BNC2: variants seen among roughly 807,000 people sequenced by gnomAD.
BNC2 encodes the protein basonuclin zinc finger protein 2.
In BNC2, 20 loss-of-function variants were observed where a neutral mutation model predicts 76.3. The ratio of observed to expected loss-of-function variants is 0.26; its 90% CI spans 0.18 to 0.38. BNC2 has a LOEUF of 0.38. Ranked by LOEUF, BNC2 falls within the 10% of genes least tolerant of loss-of-function variation. BNC2 has a pLI of 1.00. For synonymous variants in BNC2, 582 were observed against 514.8 expected, an observed-to-expected ratio of 1.13 and a Z score of -1.77; for missense variants, 1,382 against 1,399.8, an observed-to-expected ratio of 0.99 and a Z score of 0.20.
chr9:16,808,893 T>C (rs962988100), intron 1 of BNC2, among the ~76,000 whole-genome samples: 6 of 151,868 alleles, frequency 4.0e-5, no homozygotes, highest in Non-Finnish European at 8.8e-5. Context: ...AACATAAATC[T>C]CCTACTTCCC....
At chr9:16,533,403 G>A (rs530310503) in intron 5 of BNC2, among the ~76,000 whole-genome samples, 22 of 152,250 alleles carry the variant, frequency 1.4e-4, no homozygotes, top group African/African-American at 4.8e-4. Flanking sequence ...GTTGAAAACT[G>A]TCATTTGATC....
chr9:16,661,611 AT>A (rs1252350656), intron 3 of BNC2, among the ~76,000 whole-genome samples: 1 of 152,084 alleles, frequency 6.6e-6, no homozygotes, highest in Non-Finnish European at 1.5e-5. Context: ...TAATATTTCT[AT>A]TGCTTTGGAG....
chr9:16,717,938 A>C (rs1824037169), intron 3 of BNC2, among the ~76,000 whole-genome samples: 1 of 152,244 alleles, frequency 6.6e-6, no homozygotes, highest in Non-Finnish European at 1.5e-5. Context: ...TGTTTACACA[A>C]GTTAAAACAA....
intron 1 of BNC2, among the ~76,000 whole-genome samples, chr9:16,870,109 G>A (rs945915841): frequency 1.3e-5 from 2 of 152,154 alleles, no homozygotes; most frequent in Admixed American, 1.3e-4. Flanking sequence ...TGAAGACAAG[G>A]GGAGAGGAAG....
chr9:16,813,112 C>A (rs542742651), intron 1 of BNC2, among the ~76,000 whole-genome samples: 1 of 151,950 alleles, frequency 6.6e-6, no homozygotes, highest in Non-Finnish European at 1.5e-5. Context: ...GCAGGAGAAT[C>A]ACTGGAACCC....
At chr9:16,472,895 T>C (rs1363406135) in intron 5 of BNC2, among the ~76,000 whole-genome samples, 1 of 152,138 alleles carries the variant, frequency 6.6e-6, no homozygotes, top group African/African-American at 2.4e-5. Flanking sequence ...CATTTGAAAA[T>C]GTGTAACTGG....
At chr9:16,648,217 G>GA (rs1463748087) in intron 3 of BNC2, among the ~76,000 whole-genome samples, 18 of 152,196 alleles carry the variant, frequency 1.2e-4, no homozygotes, top group Non-Finnish European at 2.6e-4. Flanking sequence ...CAGATGCTAT[G>GA]AAAAACGAAA....
chr9:16,620,434 A>G (rs753710850), intron 3 of BNC2, among the ~76,000 whole-genome samples: 1 of 152,202 alleles, frequency 6.6e-6, no homozygotes, highest in Non-Finnish European at 1.5e-5. Flanking sequence ...TTCCTGATCC[A>G]TTAAAAATGT....
At chr9:16,738,621 G>T in intron 1 of BNC2, 136 bp from the exon 2 acceptor site, 1 of 1,003,668 alleles carries the variant, frequency 1.0e-6, no homozygotes, top group Non-Finnish European at 1.5e-6. Context: ...AGAGTTAATA[G>T]TTTCTAAGGC....
At chr9:16,521,335 A>T (rs951468304) in intron 5 of BNC2, among the ~76,000 whole-genome samples, 3 of 152,240 alleles carry the variant, frequency 2.0e-5, no homozygotes, top group Non-Finnish European at 4.4e-5. Context: ...ATCTTAAGTT[A>T]AATTTCCACC....
chr9:16,779,130 A>AAAAAAAAAAAAAAAAAG (rs556932807), intron 1 of BNC2, among the ~76,000 whole-genome samples: 282 of 87,404 alleles, frequency 3.2e-3, no homozygotes, highest in Non-Finnish European at 5.2e-3. Context: ...AAAAAAAAAA[A>AAAAAAAAAAAAAAAAAG]AAAAGAAAAG....
intron 1 of BNC2, among the ~76,000 whole-genome samples, chr9:16,806,931 C>G: frequency 6.6e-6 from 1 of 152,166 alleles, no homozygotes; most frequent in East Asian, 1.9e-4. Context: ...CTGTCTTTGT[C>G]AGTGCAGCAC....
intron 3 of BNC2, among the ~76,000 whole-genome samples, chr9:16,630,859 C>T (rs1821142552): frequency 6.6e-6 from 1 of 150,990 alleles, no homozygotes; most frequent in Non-Finnish European, 1.5e-5. Context: ...CCTGCCTCAG[C>T]CTCTCGAGTA....
At chr9:16,813,618 G>A (rs969807744) in intron 1 of BNC2, among the ~76,000 whole-genome samples, 1 of 152,128 alleles carries the variant, frequency 6.6e-6, no homozygotes, top group Non-Finnish European at 1.5e-5. Context: ...TGACATTTCT[G>A]TGAGAATGGA....
At chr9:16,439,529 G>T (rs899285830) in intron 5 of BNC2, among the ~76,000 whole-genome samples, 1 of 152,136 alleles carries the variant, frequency 6.6e-6, no homozygotes, top group African/African-American at 2.4e-5. Flanking sequence ...TCCGGTTTCA[G>T]CCACTGTGCT....
intron 4 of BNC2, among the ~76,000 whole-genome samples, chr9:16,581,373 C>G (rs746630448): frequency 2.6e-5 from 4 of 152,142 alleles, no homozygotes; most frequent in African/African-American, 4.8e-5. Flanking sequence ...GCCTGGCCAA[C>G]CTGGTGAAAA....
intron 1 of BNC2, among the ~76,000 whole-genome samples, chr9:16,788,365 AAC>A (rs1826361524): frequency 6.6e-6 from 1 of 151,596 alleles, no homozygotes; most frequent in African/African-American, 2.4e-5. Context: ...CATCCTGGCT[AAC>A]ATGGTGAAAC....
chr9:16,810,233 C>G (rs1243919323), intron 1 of BNC2, among the ~76,000 whole-genome samples: 1 of 152,170 alleles, frequency 6.6e-6, no homozygotes, highest in Non-Finnish European at 1.5e-5. Flanking sequence ...ATCCATAGGA[C>G]AGGCTTAGTG....
chr9:16,798,036 T>C (rs192670422), intron 1 of BNC2, among the ~76,000 whole-genome samples: 1 of 152,336 alleles, frequency 6.6e-6, no homozygotes, highest in East Asian at 1.9e-4. Flanking sequence ...TGGGCATTCC[T>C]GCTGATTCTT....
Sources: gnomAD v4.1 joint callset for allele counts (sites outside exome capture counted in the v4.1 genomes callset) on GRCh38, gnomAD v4.1.1 for gene constraint, MANE v1.5 for transcripts, NCBI Gene and HGNC (gene_info 2026-07-23, HGNC 2026-07-21) for gene names.